GPC6: variants seen among roughly 807,000 people sequenced by gnomAD.
The protein encoded by GPC6 is glypican 6, also known as glypican-6.
In GPC6, 14 loss-of-function variants were observed where a neutral mutation model predicts 55.2. That is an observed-to-expected ratio of 0.25 (90% CI 0.17 to 0.40). The LOEUF is 0.40. Ranked by LOEUF, GPC6 falls within the 10% of genes least tolerant of loss-of-function variation. GPC6 has a pLI of 1.00. For missense variants in GPC6, 641 were observed against 708.5 expected, an observed-to-expected ratio of 0.90 and a Z score of 1.08; for synonymous variants, 278 against 259.6, an observed-to-expected ratio of 1.07 and a Z score of -0.68.
chr13:94,033,275 T>A (rs1230622055), intron 4 of GPC6, among the ~76,000 whole-genome samples: 1 of 152,204 alleles, frequency 6.6e-6, no homozygotes, highest in African/African-American at 2.4e-5. Flanking sequence ...ATTCTTTCAT[T>A]GTGACAGCTG....
intron 1 of GPC6, among the ~76,000 whole-genome samples, chr13:93,356,360 T>C (rs1041330977): frequency 1.3e-5 from 2 of 152,200 alleles, no homozygotes; most frequent in East Asian, 1.9e-4. Context: ...GCAAGAGCTC[T>C]GTTGAAAACA....
intron 2 of GPC6, among the ~76,000 whole-genome samples, chr13:93,698,729 G>A (rs769233031): frequency 6.6e-6 from 1 of 151,604 alleles, no homozygotes; most frequent in East Asian, 1.9e-4. Context: ...CTCACTTACC[G>A]ATGGTTCTTG....
chr13:93,233,088 T>G (rs1444585148), intron 1 of GPC6, among the ~76,000 whole-genome samples: 3 of 152,172 alleles, frequency 2.0e-5, no homozygotes, highest in Non-Finnish European at 2.9e-5. Flanking sequence ...TATGTTAAAT[T>G]CTTGAGCTGG....
intron 3 of GPC6, among the ~76,000 whole-genome samples, chr13:93,891,986 G>A (rs564699476): frequency 6.6e-6 from 1 of 151,888 alleles, no homozygotes; most frequent in South Asian, 2.1e-4. Context: ...AAAGTGTATT[G>A]TATATGTTTT....
At chr13:93,250,465 G>A (rs1413731005) in intron 1 of GPC6, among the ~76,000 whole-genome samples, 2 of 152,150 alleles carry the variant, frequency 1.3e-5, no homozygotes, top group Non-Finnish European at 2.9e-5. Context: ...CCTCACATTG[G>A]CCTTTCTGGG....
chr13:93,926,034 G>A (rs1315763116), intron 3 of GPC6, among the ~76,000 whole-genome samples: 2 of 152,186 alleles, frequency 1.3e-5, no homozygotes, highest in Non-Finnish European at 2.9e-5. Context: ...GTAGATATCA[G>A]AGTAGTTGAA....
chr13:94,312,957 C>T (rs904998742), intron 6 of GPC6, among the ~76,000 whole-genome samples: 6 of 152,170 alleles, frequency 3.9e-5, no homozygotes, highest in Non-Finnish European at 5.9e-5. Flanking sequence ...GTGAACGACC[C>T]GGTCTTGCCT....
At chr13:94,287,060 A>C (rs559427543) in intron 5 of GPC6, among the ~76,000 whole-genome samples, 2 of 152,170 alleles carry the variant, frequency 1.3e-5, no homozygotes, top group Non-Finnish European at 2.9e-5. Flanking sequence ...CTGGGTTTGC[A>C]GCTGTACAAC....
At chr13:94,291,178 G>T (rs923244966) in intron 5 of GPC6, among the ~76,000 whole-genome samples, 6 of 151,578 alleles carry the variant, frequency 4.0e-5, no homozygotes, top group Non-Finnish European at 8.8e-5. Flanking sequence ...GGGCGAGAGA[G>T]CAAGACTCCA....
chr13:93,430,317 C>T lies in GPC6; in HGVS notation c.161-114946C>T, dbSNP rs72640513. On this transcript the variant is annotated intron_variant, in intron 1 of 8. Coordinates refer to ENST00000377047, the MANE Select transcript of GPC6 (RefSeq NM_005708.5). Reference sequence around the variant, plus strand: ...AGAGAGAGTTCCTTTTTATCTTTAACATTATTATACTTTGAGCATTAGCAT... The same window carrying T: ...AGAGAGAGTTCCTTTTTATCTTTAATATTATTATACTTTGAGCATTAGCAT... 9.0e-3 allele frequency among the ~76,000 whole-genome samples: 1,281 copies of T among 142,450 alleles called. 5 individuals are homozygous for T. The highest frequency in any genetic ancestry group is 0.015 in the Non-Finnish European group (948 of 63,804). 93.5% of individuals were successfully genotyped at this position (142,450 alleles called of 152,430 possible). A position where few individuals can be genotyped will look rare whatever the true frequency, so the allele number is the denominator to read the frequency against.
At chr13:94,242,336 C>T (rs991550734) in intron 4 of GPC6, among the ~76,000 whole-genome samples, 3 of 151,982 alleles carry the variant, frequency 2.0e-5, no homozygotes, top group Non-Finnish European at 2.9e-5. Flanking sequence ...GTCAGTGTGG[C>T]GATTCCTCAG....
At chr13:94,132,558 C>A (rs1010384146) in intron 4 of GPC6, among the ~76,000 whole-genome samples, 3 of 152,176 alleles carry the variant, frequency 2.0e-5, no homozygotes, top group Non-Finnish European at 4.4e-5. Flanking sequence ...AAGATCTCTT[C>A]CTTGTTCAAA....
At chr13:93,293,145 G>T (rs1878372151) in intron 1 of GPC6, among the ~76,000 whole-genome samples, 1 of 151,778 alleles carries the variant, frequency 6.6e-6, no homozygotes, top group Non-Finnish European at 1.5e-5. Flanking sequence ...ACCATCTCGG[G>T]CTAATTTTTT....
At chr13:94,115,250 C>T (rs1054006076) in intron 4 of GPC6, among the ~76,000 whole-genome samples, 10 of 152,124 alleles carry the variant, frequency 6.6e-5, no homozygotes, top group Non-Finnish European at 1.3e-4. Flanking sequence ...AAATGTCCTC[C>T]AGGGGGCCAT....
chr13:94,049,650 C>G (rs865851462), intron 4 of GPC6, among the ~76,000 whole-genome samples: 1 of 152,108 alleles, frequency 6.6e-6, no homozygotes, highest in Non-Finnish European at 1.5e-5. Context: ...GAGACTTTCA[C>G]TCAAAATGCA....
rs115200270 is a variant in GPC6, at chr13:94,276,443, G to A, written c.878-9906G>A. The stretch of plus-strand genomic sequence containing the variant: ...AGGCAAGGCTGGCGAGGTAGGTAGG[G>A]ACCAGCGTATGAAGGGCCTTTCTCA... On this transcript the variant is annotated intron_variant, in intron 4 of 8. Coordinates refer to ENST00000377047, the MANE Select transcript of GPC6 (RefSeq NM_005708.5). Among the ~76,000 whole-genome samples the A allele has an allele frequency of 9.0e-3, 1,365 of 151,542 alleles. 21 individuals carry two copies. The highest frequency in any genetic ancestry group is 0.032 in the African/African-American group (1,312 of 41,190).
chr13:93,960,578 G>C (rs938310418), intron 3 of GPC6, among the ~76,000 whole-genome samples: 1 of 152,112 alleles, frequency 6.6e-6, no homozygotes, highest in Admixed American at 6.5e-5. Flanking sequence ...AGGGTGCTGA[G>C]GTGTATAAGG....
chr13:94,155,563 T>A (rs1414797474), intron 4 of GPC6, among the ~76,000 whole-genome samples: 1 of 152,100 alleles, frequency 6.6e-6, no homozygotes. Context: ...AAACATTTAA[T>A]TCAGTGCAGG....
At chr13:93,888,442 G>A (rs1235622711) in intron 3 of GPC6, among the ~76,000 whole-genome samples, 1 of 152,090 alleles carries the variant, frequency 6.6e-6, no homozygotes, top group Non-Finnish European at 1.5e-5. Context: ...TAATGTCCTA[G>A]GGAAAAAGGT....
Sources: allele counts gnomAD v4.1 joint callset (sites outside exome capture counted in the v4.1 genomes callset), GRCh38; gene constraint gnomAD v4.1.1; transcripts MANE v1.5; gene names NCBI Gene and HGNC (gene_info 2026-07-23, HGNC 2026-07-21).